Variants in FCHSD2 observed in about 807,000 individuals in gnomAD.
FCHSD2 encodes the protein FCH and double SH3 domains 2, also known as F-BAR and double SH3 domains protein 2.
Under a neutral mutation model 108.1 loss-of-function variants are expected in FCHSD2, and 38 were observed. The observed-to-expected ratio is 0.35, with a 90% confidence interval of 0.27 to 0.46. FCHSD2 has a LOEUF of 0.46. FCHSD2 is among the 20% of genes least tolerant of loss of function. The pLI, the probability that FCHSD2 is intolerant of heterozygous loss-of-function variation, is 1.00. For missense variants in FCHSD2, 751 were observed against 897.8 expected (o/e 0.84, Z 2.09); for synonymous variants, 279 against 314.7 (o/e 0.89, Z 1.20).
chr11:73,030,671 T>C (rs1858338191), intron 3 of FCHSD2, among the ~76,000 whole-genome samples: 3 of 152,146 alleles, frequency 2.0e-5, no homozygotes, highest in South Asian at 2.1e-4. Context: ...AAGAAAAATA[T>C]ATTAATAGTA....
At position 72,891,211 on chromosome 11, in the gene FCHSD2, G is replaced by C. The variant is rs535360805; in HGVS notation, c.925-1266C>G. Among the ~76,000 whole-genome samples, 6 of 152,316 alleles carry C rather than the reference G, an allele frequency of 3.9e-5. No homozygotes were observed. In the South Asian group the frequency reaches 1.0e-3, roughly 26 times the overall value. On this transcript the variant is annotated intron_variant, in intron 10 of 19. Transcript: ENST00000409418. ...TCTTCCAAAGTGTTCAAATTAGAGG[G>C]ATGAGCCAGTACACCTGGCCTAGTA...
chr11:72,941,365 G>A (rs1380978454), intron 8 of FCHSD2, among the ~76,000 whole-genome samples: 1 of 150,672 alleles, frequency 6.6e-6, no homozygotes, highest in South Asian at 2.1e-4. Context: ...TATCTAAGAG[G>A]ATATAAAAAC....
intron 8 of FCHSD2, among the ~76,000 whole-genome samples, chr11:72,948,558 A>T (rs1166312388): frequency 6.6e-6 from 1 of 152,228 alleles, no homozygotes; most frequent in Non-Finnish European, 1.5e-5. Context: ...AAGTCCTCCA[A>T]AACAACTGTA....
At chr11:72,937,446 C>T (rs143563717) in intron 8 of FCHSD2, among the ~76,000 whole-genome samples, 5 of 152,268 alleles carry the variant, frequency 3.3e-5, no homozygotes, top group Non-Finnish European at 5.9e-5. Context: ...TAAACAATAT[C>T]TCTGATGCTG....
At chr11:72,939,442 C>A (rs1043491692) in intron 8 of FCHSD2, among the ~76,000 whole-genome samples, 2 of 151,800 alleles carry the variant, frequency 1.3e-5, no homozygotes, top group Non-Finnish European at 2.9e-5. Context: ...TTTAATGGTA[C>A]TACAATTATA....
chr11:72,841,391 A>G, intron 18 of FCHSD2, 63 bp downstream of exon 18: 3 of 1,190,792 alleles, frequency 2.5e-6, no homozygotes, highest in Admixed American at 2.5e-5. Flanking sequence ...TTTGCCCTTC[A>G]GGCGAATATG....
chr11:72,985,677 TGAGA>T (rs200462571), intron 6 of FCHSD2, among the ~76,000 whole-genome samples: 3,360 of 51,502 alleles, frequency 0.065, 125 homozygotes, highest in African/African-American at 0.21. Context: ...CTGAACTTAC[TGAGA>T]AAGTCCTGGG....
chr11:72,919,638 A>C (rs1855941479), intron 9 of FCHSD2, among the ~76,000 whole-genome samples: 1 of 152,174 alleles, frequency 6.6e-6, no homozygotes, highest in South Asian at 2.1e-4. Flanking sequence ...TGTGTAAAAT[A>C]TTAGCTATCT....
chr11:73,056,501 G>C (rs1859028816), intron 3 of FCHSD2, among the ~76,000 whole-genome samples: 1 of 152,150 alleles, frequency 6.6e-6, no homozygotes. Context: ...AGGTACATTT[G>C]TCTCTTCAAC....
At chr11:72,899,427 G>C (rs1855482750) in intron 10 of FCHSD2, among the ~76,000 whole-genome samples, 3 of 152,042 alleles carry the variant, frequency 2.0e-5, no homozygotes, top group Admixed American at 2.0e-4. Context: ...ATGCAAACCA[G>C]AACCACGAGA....
chr11:72,898,071 C>T (rs1482505871), intron 10 of FCHSD2, among the ~76,000 whole-genome samples: 2 of 152,086 alleles, frequency 1.3e-5, no homozygotes, highest in African/African-American at 2.4e-5. Context: ...ACAAAGCTTG[C>T]CATTGGTCAC....
At chr11:72,903,271 C>T (rs1004206799) in intron 9 of FCHSD2, among the ~76,000 whole-genome samples, 1 of 152,020 alleles carries the variant, frequency 6.6e-6, no homozygotes, top group African/African-American at 2.4e-5. Context: ...GGCTGGAGTA[C>T]AGTGGTGCAA....
chr11:72,905,287 C>T (rs1181240716), intron 9 of FCHSD2, among the ~76,000 whole-genome samples: 6 of 151,950 alleles, frequency 3.9e-5, no homozygotes, highest in Non-Finnish European at 8.8e-5. Context: ...AACTTTTAAT[C>T]TCTGTGGGTA....
intron 1 of FCHSD2, among the ~76,000 whole-genome samples, chr11:73,140,343 G>A (rs1027137757): frequency 2.6e-5 from 4 of 152,044 alleles, no homozygotes; most frequent in Admixed American, 1.3e-4. Context: ...GAAAATACAC[G>A]ACTATAAATA....
intron 13 of FCHSD2, among the ~76,000 whole-genome samples, chr11:72,863,575 G>C (rs1484432339): frequency 6.6e-6 from 1 of 152,072 alleles, no homozygotes; most frequent in Non-Finnish European, 1.5e-5. Flanking sequence ...CCACAGACTA[G>C]AAGAAAATTG....
chr11:73,020,752 TTAA>T (rs1384535442), intron 3 of FCHSD2, among the ~76,000 whole-genome samples: 2 of 152,118 alleles, frequency 1.3e-5, no homozygotes, highest in East Asian at 3.9e-4. Context: ...AAATGAAATA[TTAA>T]TCTCATATAA....
chr11:72,910,194 G>C (rs1212614912), intron 9 of FCHSD2, among the ~76,000 whole-genome samples: 1 of 151,610 alleles, frequency 6.6e-6, no homozygotes, highest in East Asian at 2.0e-4. Flanking sequence ...CCCAGTCTGG[G>C]AGGTGAGGAG....
chr11:73,054,872 G>A (rs1858986595), intron 3 of FCHSD2, among the ~76,000 whole-genome samples: 1 of 152,206 alleles, frequency 6.6e-6, no homozygotes, highest in African/African-American at 2.4e-5. Context: ...GGGAGGCAGA[G>A]GTGGGAGGAC....
chr11:73,097,943 G>A (rs145020567), intron 2 of FCHSD2, among the ~76,000 whole-genome samples: 1 of 152,062 alleles, frequency 6.6e-6, no homozygotes, highest in African/African-American at 2.4e-5. Flanking sequence ...AACTGGCTAG[G>A]ACTAGACTTG....
Sources: gnomAD v4.1 joint callset for allele counts (sites outside exome capture counted in the v4.1 genomes callset) on GRCh38, gnomAD v4.1.1 for gene constraint, MANE v1.5 for transcripts, NCBI Gene and HGNC (gene_info 2026-07-23, HGNC 2026-07-21) for gene names.